Variants in SLC30A8 observed in about 807,000 individuals in gnomAD.
SLC30A8 encodes the protein solute carrier family 30 member 8.
SLC30A8 carries 27 observed loss-of-function variants against 36.9 expected under a neutral mutation model. That is an observed-to-expected ratio of 0.73 (90% CI 0.54 to 1.01). The LOEUF (loss-of-function observed/expected upper bound fraction) is 1.01, where lower values mean the gene tolerates loss of function less well. Ranked by LOEUF, SLC30A8 falls within the 50% of genes least tolerant of loss-of-function variation. The probability of loss-of-function intolerance (pLI) is 0.00; values close to 1 mark genes in which losing one functional copy is unlikely to be tolerated. For missense variants in SLC30A8, 439 were observed against 452.0 expected, an observed-to-expected ratio of 0.97 and a Z score of 0.26; for synonymous variants, 164 against 172.4, an observed-to-expected ratio of 0.95 and a Z score of 0.38.
intron 2 of SLC30A8, among the ~76,000 whole-genome samples, chr8:117,095,229 C>T (rs1393103054): frequency 6.6e-6 from 1 of 152,210 alleles, no homozygotes; most frequent in African/African-American, 2.4e-5. Context: ...GTCATAGCAG[C>T]AGCTGCTCTA....
rs946022970 is a variant in SLC30A8 at position 117,051,641 on chromosome 8, A to G, written c.-226+12383A>G. On this transcript the variant is annotated intron_variant, in intron 2 of 10. Coordinates refer to the SLC30A8 transcript ENST00000427715. ...ATCCTGGCTAACACGGTGAAACCCC[A>G]TCTCTACTAAAAATACAAAAAATTA... Among the ~76,000 whole-genome samples the G allele has an allele frequency of 4.6e-5, 7 of 151,938 alleles. No homozygotes were observed. The East Asian group carries it at 9.8e-4, about 21-fold the overall frequency.
intron 2 of SLC30A8, among the ~76,000 whole-genome samples, chr8:117,047,441 A>C (rs1301013069): frequency 1.3e-5 from 2 of 152,120 alleles, no homozygotes; most frequent in East Asian, 3.9e-4. Context: ...ATTTGCAAAA[A>C]TGCTTTTGAG....
intron 1 of SLC30A8, among the ~76,000 whole-genome samples, chr8:117,005,519 G>A (rs547004676): frequency 6.6e-6 from 1 of 152,242 alleles, no homozygotes; most frequent in Admixed American, 6.5e-5. Flanking sequence ...ATTGTGAATA[G>A]TGCTGCTATT....
At chr8:116,959,220 C>T (rs1814330359) in intron 1 of SLC30A8, among the ~76,000 whole-genome samples, 1 of 152,070 alleles carries the variant, frequency 6.6e-6, no homozygotes. Flanking sequence ...TATCTTCAAG[C>T]CCATTAATTA....
intron 1 of SLC30A8, among the ~76,000 whole-genome samples, chr8:116,997,016 A>G (rs974744599): frequency 1.3e-5 from 2 of 151,658 alleles, no homozygotes; most frequent in Admixed American, 6.6e-5. Flanking sequence ...CTCTTGTCAC[A>G]TAACTTCACT....
chr8:117,032,587 T>C (rs1358531344), intron 1 of SLC30A8, among the ~76,000 whole-genome samples: 1 of 152,158 alleles, frequency 6.6e-6, no homozygotes, highest in Admixed American at 6.5e-5. Context: ...TAAAACTCTT[T>C]AGAAAGACTT....
At chr8:117,110,214 ATTCT>A (rs770752487) in intron 2 of SLC30A8, among the ~76,000 whole-genome samples, 6 of 152,108 alleles carry the variant, frequency 3.9e-5, no homozygotes, top group Non-Finnish European at 8.8e-5. Flanking sequence ...GCTTGCTCAA[ATTCT>A]TTCCACTCCT....
chr8:116,986,730 C>T (rs1227806997), intron 1 of SLC30A8, among the ~76,000 whole-genome samples: 1 of 152,086 alleles, frequency 6.6e-6, no homozygotes, highest in Non-Finnish European at 1.5e-5. Flanking sequence ...GGAGAGCAGG[C>T]ACTCCGAGGT....
chr8:117,127,746 A>G (rs140981972), intron 2 of SLC30A8, among the ~76,000 whole-genome samples: 38 of 152,132 alleles, frequency 2.5e-4, no homozygotes, highest in African/African-American at 8.7e-4. Flanking sequence ...CCCAGGGGCT[A>G]AGATAGGTGT....
intron 2 of SLC30A8, among the ~76,000 whole-genome samples, chr8:117,090,084 T>C (rs1819046672): frequency 6.6e-6 from 1 of 152,122 alleles, no homozygotes; most frequent in African/African-American, 2.4e-5. Flanking sequence ...GCGATTCTTC[T>C]GCCTCAGCCT....
At chr8:117,040,825 G>A (rs1464040815) in intron 2 of SLC30A8, among the ~76,000 whole-genome samples, 1 of 152,098 alleles carries the variant, frequency 6.6e-6, no homozygotes, top group African/African-American at 2.4e-5. Context: ...TCATCTAGAA[G>A]CTTCTTAGCA....
intron 6 of SLC30A8, among the ~76,000 whole-genome samples, chr8:117,170,293 C>T (rs1014820150): frequency 1.3e-5 from 2 of 152,208 alleles, no homozygotes; most frequent in East Asian, 1.9e-4. Context: ...GGAATGGAGT[C>T]GTGGTACATT....
At position 117,175,499 on chromosome 8, in the gene SLC30A8, T is replaced by TGCTCA. The variant is rs1554594891; in HGVS notation, c.*2819_*2820insCTCAG. 6.6e-6 allele frequency: 1 copy of TGCTCA among 152,118 alleles called. No homozygotes were observed. Among genetic ancestry groups the TGCTCA allele is most frequent in the East Asian group, 1.9e-4 (1 of 5,170 alleles). The allele number at this position is 152,118 out of a possible 1,614,324, so 9.4% of individuals were successfully genotyped here. A position where few individuals can be genotyped will look rare whatever the true frequency, so the allele number is the denominator to read the frequency against. On this transcript the variant is annotated 3_prime_UTR_variant, in exon 8 of 8. Coordinates refer to ENST00000456015, the MANE Select transcript of SLC30A8 (RefSeq NM_173851.3). ...GCATCAGTTCTGAAGCTAGATTGTC[T>TGCTCA]GAGTTTGAATCTTAGCTCTTCCCTT...
At chr8:117,138,997 A>AT (rs1441584460) in intron 1 of SLC30A8, among the ~76,000 whole-genome samples, 9 of 152,074 alleles carry the variant, frequency 5.9e-5, no homozygotes, top group African/African-American at 2.2e-4. Flanking sequence ...AAAACAATGA[A>AT]GATTCTTCTG....
chr8:117,043,435 G>T (rs746756416), intron 2 of SLC30A8, among the ~76,000 whole-genome samples: 1 of 152,190 alleles, frequency 6.6e-6, no homozygotes, highest in African/African-American at 2.4e-5. Context: ...GTCATCGTAT[G>T]TCAGGCAGTC....
chr8:116,999,254 G>A lies in SLC30A8; in HGVS notation c.-265-39965G>A, dbSNP rs113056658. On this transcript the variant is annotated intron_variant, in intron 1 of 10. Transcript: ENST00000427715. ...AGCCTGGGTGACAGAGGGAGACTCCGTCTCAAAAAGAGAAAAAAAGAAAAA... is the reference window on the plus strand; with the variant it reads ...AGCCTGGGTGACAGAGGGAGACTCCATCTCAAAAAGAGAAAAAAAGAAAAA... Among the ~76,000 whole-genome samples, 15 of 152,218 alleles carry A rather than the reference G, an allele frequency of 9.9e-5. No individual in the cohort carries two copies. In the East Asian group the frequency reaches 1.5e-3, roughly 16 times the overall value.
rs551477043 is a variant in SLC30A8, at chr8:116,977,353, C to G, written c.-266+26234C>G. ...TATTTTTAGTAGAGACGGGGTTTCA[C>G]TGTGTTAGCCAGGATGGTATTGATC... is the stretch of plus-strand genomic sequence containing the variant. On this transcript the variant is annotated intron_variant, in intron 1 of 10. Coordinates refer to the SLC30A8 transcript ENST00000427715. Among the ~76,000 whole-genome samples, 6 of 147,932 alleles carry G rather than the reference C, an allele frequency of 4.1e-5. No homozygotes were observed. In the South Asian group the frequency reaches 1.3e-3, roughly 32 times the overall value.
intron 2 of SLC30A8, among the ~76,000 whole-genome samples, chr8:117,129,258 A>G (rs1211207026): frequency 1.3e-5 from 2 of 152,080 alleles, no homozygotes; most frequent in Non-Finnish European, 2.9e-5. Context: ...CTTTAGGACT[A>G]GTCAGTGTAC....
At chr8:116,955,289 A>G (rs1814153383) in intron 1 of SLC30A8, among the ~76,000 whole-genome samples, 1 of 152,220 alleles carries the variant, frequency 6.6e-6, no homozygotes, top group Admixed American at 6.5e-5. Context: ...CCTAAATCTG[A>G]TGACTAGTGT....
Sources: allele counts gnomAD v4.1 joint callset (sites outside exome capture counted in the v4.1 genomes callset), GRCh38; gene constraint gnomAD v4.1.1; transcripts MANE v1.5; gene names NCBI Gene and HGNC (gene_info 2026-07-23, HGNC 2026-07-21).